TRPC7: variants seen among roughly 807,000 people sequenced by gnomAD.
TRPC7 encodes the protein short transient receptor potential channel 7.
In TRPC7, 42 loss-of-function variants were observed where a neutral mutation model predicts 90.1. The observed-to-expected ratio is 0.47, with a 90% CI of 0.36 to 0.60. The LOEUF is 0.60. TRPC7 is among the 20% of genes least tolerant of loss of function. TRPC7 has a pLI of 0.00. For synonymous variants in TRPC7, 451 were observed against 436.3 expected (o/e 1.03, Z -0.42); for missense variants, 955 against 1,112.3 (o/e 0.86, Z 2.01).
intron 3 of TRPC7, among the ~76,000 whole-genome samples, chr5:136,278,295 A>G (rs1295044124): frequency 1.3e-5 from 2 of 152,218 alleles, no homozygotes; most frequent in Non-Finnish European, 2.9e-5. Flanking sequence ...GTGTTCACGA[A>G]TGGGCACTGT....
intron 10 of TRPC7, among the ~76,000 whole-genome samples, chr5:136,224,217 T>C (rs1755553895): frequency 6.6e-6 from 1 of 152,218 alleles, no homozygotes; most frequent in African/African-American, 2.4e-5. Context: ...GTGAAACTGC[T>C]GATCATCGAG....
chr5:136,295,851 T>A (rs1758151334), intron 3 of TRPC7, among the ~76,000 whole-genome samples: 1 of 152,200 alleles, frequency 6.6e-6, no homozygotes, highest in South Asian at 2.1e-4. Flanking sequence ...ACATATTCCT[T>A]CTTTGAACTC....
intron 5 of TRPC7, among the ~76,000 whole-genome samples, chr5:136,260,097 C>A (rs1756807942): frequency 6.6e-6 from 1 of 152,096 alleles, no homozygotes; most frequent in Non-Finnish European, 1.5e-5. Context: ...ACCTACATGC[C>A]CCATAGGATG....
intron 2 of TRPC7, among the ~76,000 whole-genome samples, chr5:136,354,638 A>G (rs1167219456): frequency 6.6e-6 from 1 of 152,098 alleles, no homozygotes; most frequent in East Asian, 1.9e-4. Context: ...TAATTTCCCA[A>G]ACTCTAGTTT....
intron 3 of TRPC7, among the ~76,000 whole-genome samples, chr5:136,301,535 C>T (rs1321377528): frequency 6.6e-6 from 1 of 151,966 alleles, no homozygotes; most frequent in African/African-American, 2.4e-5. Flanking sequence ...CCTAACTGAT[C>T]AATGTACTTT....
At chr5:136,337,663 C>CAA (rs55856709) in intron 2 of TRPC7, among the ~76,000 whole-genome samples, 14 of 121,634 alleles carry the variant, frequency 1.2e-4, no homozygotes, top group African/African-American at 2.9e-4. Flanking sequence ...GAGACTCCAT[C>CAA]AAAAAAAAAA....
At chr5:136,290,987 C>CA (rs1757926689) in intron 3 of TRPC7, among the ~76,000 whole-genome samples, 1 of 152,186 alleles carries the variant, frequency 6.6e-6, no homozygotes, top group Non-Finnish European at 1.5e-5. Context: ...GGCCAATATT[C>CA]AACATTCTGA....
intron 1 of TRPC7, among the ~76,000 whole-genome samples, chr5:136,364,333 T>C (rs1760659367): frequency 6.6e-6 from 1 of 152,216 alleles, no homozygotes; most frequent in African/African-American, 2.4e-5. Context: ...AATTGTGACA[T>C]AGAAGTTTGG....
intron 3 of TRPC7, among the ~76,000 whole-genome samples, chr5:136,311,965 TC>T (rs1394668143): frequency 6.6e-6 from 1 of 152,218 alleles, no homozygotes; most frequent in Non-Finnish European, 1.5e-5. Flanking sequence ...AAATGCTTTA[TC>T]CCATTTAATT....
intron 8 of TRPC7, among the ~76,000 whole-genome samples, chr5:136,227,838 G>A (rs1348335890): frequency 4.6e-5 from 7 of 152,296 alleles, no homozygotes; most frequent in Non-Finnish European, 8.8e-5. Flanking sequence ...AATACCTATC[G>A]AATAGGCTGT....
At chr5:136,329,951 T>G (rs2149845862) in intron 2 of TRPC7, among the ~76,000 whole-genome samples, 1 of 152,226 alleles carries the variant, frequency 6.6e-6, no homozygotes, top group East Asian at 1.9e-4. Context: ...CCACCCAGCA[T>G]TCTCTGTTTT....
At chr5:136,342,691 T>C (rs1369716575) in intron 2 of TRPC7, among the ~76,000 whole-genome samples, 1 of 152,210 alleles carries the variant, frequency 6.6e-6, no homozygotes, top group Non-Finnish European at 1.5e-5. Context: ...TTTCTAGGAA[T>C]TGATGTTTAT....
At chr5:136,244,128 C>T (rs1756258105) in intron 7 of TRPC7, among the ~76,000 whole-genome samples, 1 of 152,032 alleles carries the variant, frequency 6.6e-6, no homozygotes, top group Non-Finnish European at 1.5e-5. Context: ...CTCTCTCTCT[C>T]TCTTTCGCCC....
intron 8 of TRPC7, among the ~76,000 whole-genome samples, chr5:136,228,376 G>A (rs1428408003): frequency 6.6e-6 from 1 of 151,798 alleles, no homozygotes; most frequent in Non-Finnish European, 1.5e-5. Flanking sequence ...CGGCAGTAAG[G>A]AGCAGGGGAG....
intron 2 of TRPC7, among the ~76,000 whole-genome samples, chr5:136,355,141 G>A (rs77281197): frequency 0.026 from 3,968 of 152,292 alleles, 71 homozygotes; most frequent in African/African-American, 0.045. Context: ...GATAGTCTCT[G>A]GTTGAATGGC....
intron 3 of TRPC7, among the ~76,000 whole-genome samples, chr5:136,284,532 A>ATTTT (rs1757649312): frequency 6.6e-6 from 1 of 152,200 alleles, no homozygotes; most frequent in Non-Finnish European, 1.5e-5. Flanking sequence ...TTCATTCAAC[A>ATTTT]AATATCTACT....
intron 3 of TRPC7, among the ~76,000 whole-genome samples, chr5:136,310,137 T>C (rs1011901451): frequency 6.6e-6 from 1 of 152,146 alleles, no homozygotes; most frequent in African/African-American, 2.4e-5. Flanking sequence ...CTCTTTCAGT[T>C]CCTCTTATAC....
rs568890042 is a variant in TRPC7, at chr5:136,293,196, A to G, written c.964-18359T>C. On this transcript the variant is annotated intron_variant, in intron 3 of 11. Coordinates refer to ENST00000513104, the MANE Select transcript of TRPC7 (RefSeq NM_020389.3). Reference sequence around the variant, plus strand: ...ACAGCCAATATCATACTGAATGGACAAAAACTGGAAGCATTCCCTTTGAAA... The same window carrying G: ...ACAGCCAATATCATACTGAATGGACGAAAACTGGAAGCATTCCCTTTGAAA... 2.6e-5 allele frequency among the ~76,000 whole-genome samples: 4 copies of G among 152,322 alleles called. No homozygotes were observed. The East Asian group carries it at 7.7e-4, about 29-fold the overall frequency.
intron 7 of TRPC7, among the ~76,000 whole-genome samples, chr5:136,234,064 G>A (rs1003942145): frequency 6.6e-6 from 1 of 152,162 alleles, no homozygotes; most frequent in African/African-American, 2.4e-5. Context: ...AACCTGGCCT[G>A]GAATGCTGAT....
Sources: allele counts gnomAD v4.1 joint callset (sites outside exome capture counted in the v4.1 genomes callset), GRCh38; gene constraint gnomAD v4.1.1; transcripts MANE v1.5; gene names NCBI Gene and HGNC (gene_info 2026-07-23, HGNC 2026-07-21).